CRPPA: variants seen among roughly 807,000 people sequenced by gnomAD.
CRPPA encodes the protein CDP-L-ribitol pyrophosphorylase A.
A neutral mutation model predicts 52.0 loss-of-function variants in CRPPA; 43 were observed. The ratio of observed to expected loss-of-function variants is 0.83; its 90% confidence interval spans 0.65 to 1.07. The LOEUF (loss-of-function observed/expected upper bound fraction) is 1.07, where lower values mean the gene tolerates loss of function less well. Among genes scored for constraint, CRPPA ranks in the 50% least tolerant of loss-of-function variants. The pLI is 0.00. For synonymous variants in CRPPA, 250 were observed against 203.5 expected (o/e 1.23, Z -1.94); for missense variants, 629 against 551.7 (o/e 1.14, Z -1.40).
At chr7:16,420,566 C>T (rs1302651488) in intron 1 of CRPPA, among the ~76,000 whole-genome samples, 1 of 152,164 alleles carries the variant, frequency 6.6e-6, no homozygotes, top group Admixed American at 6.5e-5. Flanking sequence ...AAATTCTGCT[C>T]CTCTCCCCTC....
intron 3 of CRPPA, among the ~76,000 whole-genome samples, chr7:16,331,630 C>T (rs976085136): frequency 2.0e-5 from 3 of 152,008 alleles, no homozygotes; most frequent in Non-Finnish European, 4.4e-5. Flanking sequence ...AGAAGATGGG[C>T]AATTTAAGTA....
At chr7:16,157,886 T>A (rs1172215307) in intron 9 of CRPPA, among the ~76,000 whole-genome samples, 1 of 151,898 alleles carries the variant, frequency 6.6e-6, no homozygotes, top group Non-Finnish European at 1.5e-5. Flanking sequence ...TTTTTTTTAT[T>A]TTTTTTGAGA....
At chr7:16,182,914 C>A (rs1182675862) in intron 9 of CRPPA, among the ~76,000 whole-genome samples, 1 of 152,128 alleles carries the variant, frequency 6.6e-6, no homozygotes, top group East Asian at 1.9e-4. Context: ...CTACTTTCTG[C>A]AAAGGCCCAA....
rs757986706 is a variant in CRPPA at position 16,301,453 on chromosome 7, C to T, written c.803G>A (p.Arg268Gln). 4 of 1,612,236 alleles carry T rather than the reference C, an allele frequency of 2.5e-6. No homozygotes were observed. Among genetic ancestry groups the T allele is most frequent in the Middle Eastern group, 1.7e-4 (1 of 6,058 alleles). ...AATCGATTCAGCCGCATAGAGATCT[C>T]GTTTGTAGGTCACCTAAAGGACAGA... ...SPDLWKVTYKRDLYAAESIIK... is the reference protein window; with the variant it reads ...SPDLWKVTYKQDLYAAESIIK... Residue 268 changes from arginine to glutamine, a missense_variant, in exon 5 of 10, where the codon CGA becomes CAA. Transcript: ENST00000407010.
At chr7:16,295,615 G>C (rs1784655885) in intron 5 of CRPPA, among the ~76,000 whole-genome samples, 1 of 152,072 alleles carries the variant, frequency 6.6e-6, no homozygotes, top group South Asian at 2.1e-4. Context: ...AGTTTATTTA[G>C]AAATTCCACT....
intron 9 of CRPPA, among the ~76,000 whole-genome samples, chr7:16,148,241 C>G (rs535491266): frequency 6.6e-6 from 1 of 152,168 alleles, no homozygotes; most frequent in African/African-American, 2.4e-5. Context: ...TCCAATTTCT[C>G]AAAAAATCAA....
At chr7:16,320,102 C>G (rs1237853139) in intron 3 of CRPPA, among the ~76,000 whole-genome samples, 1 of 152,124 alleles carries the variant, frequency 6.6e-6, no homozygotes, top group Non-Finnish European at 1.5e-5. Flanking sequence ...GTCACCTCTC[C>G]TATTCTTTTG....
intron 3 of CRPPA, among the ~76,000 whole-genome samples, chr7:16,334,676 G>C (rs7805439): frequency 1.3e-5 from 2 of 151,810 alleles, no homozygotes; most frequent in Non-Finnish European, 2.9e-5. Flanking sequence ...CTCAACTGAC[G>C]ACAAAGTTGA....
intron 3 of CRPPA, among the ~76,000 whole-genome samples, chr7:16,329,034 G>A (rs1352365916): frequency 1.3e-5 from 2 of 152,074 alleles, no homozygotes; most frequent in Admixed American, 1.3e-4. Context: ...GTCCACAATG[G>A]CAAAATTCAT....
At chr7:16,170,713 G>C (rs890158571) in intron 9 of CRPPA, among the ~76,000 whole-genome samples, 5 of 152,194 alleles carry the variant, frequency 3.3e-5, no homozygotes, top group African/African-American at 4.8e-5. Context: ...TGCAGGTCCC[G>C]AGCCCTGCCC....
At chr7:16,198,879 T>C (rs1486963641) in intron 9 of CRPPA, among the ~76,000 whole-genome samples, 1 of 152,058 alleles carries the variant, frequency 6.6e-6, no homozygotes, top group Non-Finnish European at 1.5e-5. Flanking sequence ...TATAAAGTAG[T>C]AAGAACTGTA....
At chr7:16,249,119 G>C (rs1180440925) in intron 8 of CRPPA, among the ~76,000 whole-genome samples, 1 of 152,154 alleles carries the variant, frequency 6.6e-6, no homozygotes, top group Non-Finnish European at 1.5e-5. Context: ...GGTTCGAACT[G>C]GATGCAACCC....
At chr7:16,092,845 C>A (rs1781863189) in intron 9 of CRPPA, among the ~76,000 whole-genome samples, 2 of 152,190 alleles carry the variant, frequency 1.3e-5, no homozygotes, top group Non-Finnish European at 2.9e-5. Flanking sequence ...CCTAAAATTA[C>A]TCAATTCTCC....
intron 9 of CRPPA, among the ~76,000 whole-genome samples, chr7:16,093,112 A>C (rs1781868392): frequency 6.6e-6 from 1 of 152,132 alleles, no homozygotes; most frequent in Admixed American, 6.6e-5. Flanking sequence ...CGAATTTTAT[A>C]GTCTTTTTTA....
intron 8 of CRPPA, among the ~76,000 whole-genome samples, chr7:16,228,040 C>T (rs551237509): frequency 6.4e-4 from 97 of 151,884 alleles, no homozygotes; most frequent in Non-Finnish European, 4.3e-4. Flanking sequence ...TTGTCTAAAT[C>T]CGTTGGCTAT....
chr7:16,156,830 A>C (rs1415442784), intron 9 of CRPPA, among the ~76,000 whole-genome samples: 1 of 152,140 alleles, frequency 6.6e-6, no homozygotes, highest in African/African-American at 2.4e-5. Context: ...TATTTGCATT[A>C]GTAGAGACAA....
intron 6 of CRPPA, among the ~76,000 whole-genome samples, chr7:16,263,689 T>G (rs1377430415): frequency 6.6e-6 from 1 of 151,950 alleles, no homozygotes; most frequent in Non-Finnish European, 1.5e-5. Context: ...GAGGCAGAGG[T>G]TGCAGTGAGC....
intron 6 of CRPPA, among the ~76,000 whole-genome samples, chr7:16,260,172 G>A (rs1224430775): frequency 1.3e-5 from 2 of 152,026 alleles, no homozygotes; most frequent in Non-Finnish European, 2.9e-5. Flanking sequence ...AGTCCTTCAT[G>A]TATTCAAACA....
intron 2 of CRPPA, among the ~76,000 whole-genome samples, chr7:16,393,797 T>G (rs1261114600): frequency 6.6e-6 from 1 of 152,048 alleles, no homozygotes; most frequent in East Asian, 1.9e-4. Flanking sequence ...AAGAAAATAG[T>G]TATAAAACAC....
Sources: gnomAD v4.1 joint callset for allele counts (sites outside exome capture counted in the v4.1 genomes callset) on GRCh38, gnomAD v4.1.1 for gene constraint, MANE v1.5 for transcripts, NCBI Gene and HGNC (gene_info 2026-07-23, HGNC 2026-07-21) for gene names.